The following PTPRD variants were observed in gnomAD, a reference collection of about 807,000 sequenced individuals.
PTPRD encodes receptor-type tyrosine-protein phosphatase delta.
PTPRD carries 34 observed loss-of-function variants against 214.5 expected under a neutral mutation model. That is an observed-to-expected ratio of 0.16 (90% CI 0.12 to 0.21). The LOEUF is 0.21. PTPRD is among the 10% of genes least tolerant of loss of function. The pLI, the probability that PTPRD is intolerant of heterozygous loss-of-function variation, is 1.00. For synonymous variants in PTPRD, 1,128 were observed against 845.7 expected (o/e 1.33, Z -5.79); for missense variants, 2,545 against 2,398.7 (o/e 1.06, Z -1.27).
At chr9:9,707,196 A>C (rs1032250063) in intron 7 of PTPRD, among the ~76,000 whole-genome samples, 2 of 152,182 alleles carry the variant, frequency 1.3e-5, no homozygotes, top group African/African-American at 2.4e-5. Context: ...AATGGTATTT[A>C]TGTACATGTA....
chr9:10,543,467 AATAT>A (rs771137112), intron 2 of PTPRD, among the ~76,000 whole-genome samples: 39 of 142,980 alleles, frequency 2.7e-4, no homozygotes, highest in African/African-American at 8.9e-4. Context: ...TGAAGAGTTT[AATAT>A]ATATATATAC....
chr9:8,915,609 G>C (rs898354889), intron 11 of PTPRD, among the ~76,000 whole-genome samples: 2 of 152,172 alleles, frequency 1.3e-5, no homozygotes, highest in East Asian at 3.9e-4. Flanking sequence ...AGAGACCTAG[G>C]TGAGCTGATG....
chr9:9,452,118 TA>T (rs2092313256), intron 8 of PTPRD, among the ~76,000 whole-genome samples: 1 of 151,338 alleles, frequency 6.6e-6, no homozygotes, highest in Non-Finnish European at 1.5e-5. Context: ...CAGTTTATAA[TA>T]AAAAAGCTGA....
intron 5 of PTPRD, among the ~76,000 whole-genome samples, chr9:9,827,718 A>G (rs10978015): frequency 0.1 from 15,129 of 151,980 alleles, 2,247 homozygotes; most frequent in East Asian, 0.74. Flanking sequence ...GAATGAACAG[A>G]AAACCTACAG....
intron 37 of PTPRD, among the ~76,000 whole-genome samples, chr9:8,385,603 G>C (rs946506721): frequency 6.6e-6 from 1 of 152,124 alleles, no homozygotes; most frequent in African/African-American, 2.4e-5. Context: ...CAATTTCGTA[G>C]CACCATAAAA....
At chr9:10,303,944 G>A (rs536348696) in intron 3 of PTPRD, among the ~76,000 whole-genome samples, 6 of 152,096 alleles carry the variant, frequency 3.9e-5, no homozygotes, top group East Asian at 1.9e-4. Flanking sequence ...GCTGAAACCC[G>A]GAAGAGACAC....
chr9:8,890,469 CA>C (rs1382234599), intron 11 of PTPRD, among the ~76,000 whole-genome samples: 4 of 152,202 alleles, frequency 2.6e-5, no homozygotes, highest in African/African-American at 9.6e-5. Context: ...TGAAGACTTG[CA>C]AGTGACACAG....
chr9:9,223,920 G>A (rs1407591197), intron 9 of PTPRD, among the ~76,000 whole-genome samples: 1 of 151,930 alleles, frequency 6.6e-6, no homozygotes, highest in Admixed American at 6.6e-5. Flanking sequence ...TTGCATGGCT[G>A]AAATGAATAT....
At chr9:10,191,913 A>G (rs1231451915) in intron 3 of PTPRD, among the ~76,000 whole-genome samples, 7 of 152,194 alleles carry the variant, frequency 4.6e-5, no homozygotes, top group African/African-American at 1.4e-4. Context: ...ATATCAAAGT[A>G]TAAGTTCCCA....
chr9:8,866,789 T>C lies in PTPRD; in HGVS notation c.-103-132843A>G, dbSNP rs1244907853. On this transcript the variant is annotated intron_variant, in intron 11 of 45. Coordinates refer to ENST00000381196, the MANE Select transcript of PTPRD (RefSeq NM_002839.4). ...AATCATCTCATCAAGTCAGTTTTTT[T>C]TTCCTGATTCCTCTACCACATATGA... Among the ~76,000 whole-genome samples, 4 of 152,344 alleles carry C rather than the reference T, an allele frequency of 2.6e-5. No individual in the cohort carries two copies. The East Asian group carries it at 7.7e-4, about 29-fold the overall frequency.
rs768304324 is a variant in PTPRD, at chr9:8,486,006, T to C, written c.2811A>G (p.Leu937=). Residue 937 remains leucine (L), a synonymous_variant, in exon 28 of 46, where the codon TTA becomes TTG. Coordinates refer to ENST00000381196, the MANE Select transcript of PTPRD (RefSeq NM_002839.4). ...CTGCCAGGACAGGTGGTTGCCAAGA[T>C]AACTGGACGGAGGTTGAAGTGGTGC... The part of the protein sequence containing the change: ...SEGTTSTSVQ[L]SWQPPVLAER... 13 of 1,614,194 alleles carry C rather than the reference T, an allele frequency of 8.1e-6. No homozygotes were observed. The highest frequency in any genetic ancestry group is 2.2e-5 in the East Asian group (1 of 44,884).
At chr9:9,646,599 A>G (rs1036357301) in intron 7 of PTPRD, among the ~76,000 whole-genome samples, 4 of 152,082 alleles carry the variant, frequency 2.6e-5, no homozygotes, top group Admixed American at 6.5e-5. Context: ...TCAGCCAGCT[A>G]TCATCTAGTT....
At chr9:9,260,549 T>C (rs953470774) in intron 9 of PTPRD, among the ~76,000 whole-genome samples, 1 of 151,852 alleles carries the variant, frequency 6.6e-6, no homozygotes, top group African/African-American at 2.4e-5. Context: ...CCTTTTTTCA[T>C]TCCCTCTCAA....
At chr9:8,697,214 G>A (rs2097933084) in intron 12 of PTPRD, among the ~76,000 whole-genome samples, 1 of 151,970 alleles carries the variant, frequency 6.6e-6, no homozygotes, top group African/African-American at 2.4e-5. Flanking sequence ...ACTATACGTA[G>A]GGAAGGGAAA....
At chr9:10,538,297 A>AATAAAT (rs921916699) in intron 2 of PTPRD, among the ~76,000 whole-genome samples, 1 of 140,450 alleles carries the variant, frequency 7.1e-6, no homozygotes, top group African/African-American at 2.8e-5. Flanking sequence ...TAAATAAATA[A>AATAAAT]AAAGGGAGAG....
At chr9:10,029,852 G>GATGT (rs1180662623) in intron 4 of PTPRD, among the ~76,000 whole-genome samples, 1 of 152,152 alleles carries the variant, frequency 6.6e-6, no homozygotes, top group African/African-American at 2.4e-5. Flanking sequence ...GGAGGGGCCA[G>GATGT]GGACAGAAAG....
chr9:9,974,713 C>G (rs1453457413), intron 4 of PTPRD, among the ~76,000 whole-genome samples: 1 of 152,114 alleles, frequency 6.6e-6, no homozygotes, highest in Non-Finnish European at 1.5e-5. Flanking sequence ...CTTCTTCTAC[C>G]CTACCTAGAC....
intron 3 of PTPRD, among the ~76,000 whole-genome samples, chr9:10,097,749 G>A (rs985767096): frequency 6.6e-6 from 1 of 151,720 alleles, no homozygotes; most frequent in Non-Finnish European, 1.5e-5. Flanking sequence ...CTGCCTGATT[G>A]CCCTGGCCAG....
chr9:9,418,336 T>A (rs1287194622), intron 8 of PTPRD, among the ~76,000 whole-genome samples: 1 of 151,996 alleles, frequency 6.6e-6, no homozygotes, highest in Non-Finnish European at 1.5e-5. Flanking sequence ...TAGCCCAGAG[T>A]TAGCCATGTG....
Sources: gnomAD v4.1 joint callset for allele counts (sites outside exome capture counted in the v4.1 genomes callset) on GRCh38, gnomAD v4.1.1 for gene constraint, MANE v1.5 for transcripts, NCBI Gene and HGNC (gene_info 2026-07-23, HGNC 2026-07-21) for gene names.